The following MYEF2 variants were observed in gnomAD, a reference collection of about 807,000 sequenced individuals.
The protein encoded by MYEF2 is myelin expression factor 2.
In MYEF2, 37 loss-of-function variants were observed where a neutral mutation model predicts 75.2. That is an observed-to-expected ratio of 0.49 (90% CI 0.38 to 0.65). The LOEUF is 0.65. MYEF2 is among the 30% of genes least tolerant of loss of function. The probability of loss-of-function intolerance (pLI) is 0.00; values close to 1 mark genes in which losing one functional copy is unlikely to be tolerated. For missense variants in MYEF2, 634 were observed against 771.4 expected (o/e 0.82, Z 2.11); for synonymous variants, 195 against 241.6 (o/e 0.81, Z 1.79).
intron 7 of MYEF2, 125 bp from the exon 8 acceptor site, chr15:48,158,349 G>T: frequency 1.3e-6 from 1 of 797,830 alleles, no homozygotes; most frequent in Non-Finnish European, 2.0e-6. Flanking sequence ...AATACTTATT[G>T]ATATTAGCCA....
intron 5 of MYEF2, among the ~76,000 whole-genome samples, chr15:48,161,121 T>C (rs2039926251): frequency 6.6e-6 from 1 of 152,066 alleles, no homozygotes; most frequent in African/African-American, 2.4e-5. Flanking sequence ...TATACATATA[T>C]ATGACAGAAA....
In MYEF2 at chr15:48,135,957, C is replaced by T. The variant is rs1484654251; in HGVS notation, c.*6951G>A. 6.6e-6 allele frequency: 1 copy of T among 152,098 alleles called. No individual in the cohort carries two copies. The highest frequency in any genetic ancestry group is 1.5e-5 in the Non-Finnish European group (1 of 68,000). The allele number at this position is 152,098 out of a possible 1,614,324, so 9.4% of individuals were successfully genotyped here. On this transcript the variant is annotated 3_prime_UTR_variant, in exon 17 of 17. Coordinates refer to ENST00000324324, the MANE Select transcript of MYEF2 (RefSeq NM_016132.5). Reference sequence around the variant, plus strand: ...CTAATTCTTCCTCCATTAGGGAAATCAGAACTGTTCTTTAAGATACAGCAG... The same window carrying T: ...CTAATTCTTCCTCCATTAGGGAAATTAGAACTGTTCTTTAAGATACAGCAG...
Position 48,166,028 on chromosome 15 carries a change from T to TA in MYEF2, c.432-3_432-2insT. ...TCTTCATCTTTGAATTCAACCACAC[T>TA]TAATAGGGAAAAAATTTATAGGAAA... On this transcript the variant is annotated splice_region_variant and splice_polypyrimidine_tract_variant and intron_variant, in intron 4 of 16. Transcript: ENST00000324324. 6.3e-7 allele frequency: 1 copy of TA among 1,582,272 alleles called. No homozygotes were observed. Among genetic ancestry groups the TA allele is most frequent in the Admixed American group, 1.8e-5 (1 of 54,550 alleles).
chr15:48,166,191 G>A, intron 3 of MYEF2, 63 bp from the exon 4 acceptor site: 3 of 1,314,134 alleles, frequency 2.3e-6, no homozygotes, highest in Non-Finnish European at 3.2e-6. Context: ...AGTACATGAA[G>A]TTAATAATCA....
Position 48,149,250 on chromosome 15 carries a change from A to G in MYEF2, c.1500T>C (p.Asp500=). ...GACCCGATAAAAATCCTCGATCCAT[A>G]TCGATGCTCCTTTCCAGTATAGCTC... ...GIGAILERSI[D]MDRGFLSGPM... The change falls in exon 15 of 17, where the codon GAT becomes GAC. Residue 500 remains aspartate, a synonymous_variant. Transcript: ENST00000324324. The surrounding 1 kb of genome is among the most constrained non-coding windows in gnomAD (Gnocchi z 4.0). The G allele has an allele frequency of 6.2e-7, 1 of 1,613,344 alleles. No homozygotes were observed. Among genetic ancestry groups the G allele is most frequent in the Non-Finnish European group, 8.5e-7 (1 of 1,179,512 alleles).
At chr15:48,167,471 C>A (rs2040174093) in intron 2 of MYEF2, 70 bp from the exon 3 acceptor site, 2 of 1,378,214 alleles carry the variant, frequency 1.5e-6, no homozygotes, top group Non-Finnish European at 1.0e-6. Flanking sequence ...TGCTTTACTG[C>A]ACACCTGTGC....
chr15:48,162,979 C>T (rs1306891575), intron 5 of MYEF2: 3 of 152,086 alleles, frequency 2.0e-5, no homozygotes, highest in Admixed American at 6.5e-5. Context: ...GAAAGAGTTG[C>T]AAGTCTCTCA....
At chr15:48,164,572 C>T (rs528504868) in intron 5 of MYEF2, among the ~76,000 whole-genome samples, 9 of 152,172 alleles carry the variant, frequency 5.9e-5, no homozygotes, top group Admixed American at 1.3e-4. Context: ...GAAGTTCAAC[C>T]GTAGGTAAAA....
intron 5 of MYEF2, among the ~76,000 whole-genome samples, chr15:48,164,803 CA>C (rs1386823047): frequency 6.6e-6 from 1 of 152,114 alleles, no homozygotes; most frequent in Non-Finnish European, 1.5e-5. Context: ...GCATTTTCAG[CA>C]ATAAAGTATT....
chr15:48,157,440 C>T (rs1324561120), intron 9 of MYEF2: 1 of 152,214 alleles, frequency 6.6e-6, no homozygotes, highest in Non-Finnish European at 1.5e-5. Flanking sequence ...AACAAAAAGG[C>T]ATGTGTTACT....
chr15:48,159,671 G>A lies in MYEF2; in HGVS notation c.659C>T (p.Pro220Leu), dbSNP rs1383138214. ...GGCCTGCAAATTACTGATGACTTCA[G>A]GAGGAATGTTTGGATTATTGAGTAT... ...PSILNNPNIP[P>L]EVISNLQAGR... Residue 220 changes from proline (P) to leucine (L), a missense_variant, in exon 6 of 17, where the codon CCT becomes CTT. Coordinates refer to ENST00000324324, the MANE Select transcript of MYEF2 (RefSeq NM_016132.5). 2 of 1,613,698 alleles carry A rather than the reference G, an allele frequency of 1.2e-6. No individual in the cohort carries two copies. The highest frequency in any genetic ancestry group is 1.7e-6 in the Non-Finnish European group (2 of 1,179,746).
chr15:48,150,234 A>G (rs566886166), intron 14 of MYEF2, among the ~76,000 whole-genome samples: 2 of 152,184 alleles, frequency 1.3e-5, no homozygotes, highest in African/African-American at 4.8e-5. Context: ...AAACAGAAGT[A>G]CAAACACTGA....
At chr15:48,177,943 A>G (rs369094381) in intron 1 of MYEF2, 134 bp downstream of exon 1, 1 of 1,226,694 alleles carries the variant, frequency 8.2e-7, no homozygotes, top group Non-Finnish European at 1.1e-6. Flanking sequence ...CCTGCTCCTC[A>G]GGAAGCCGAT....
intron 1 of MYEF2, among the ~76,000 whole-genome samples, chr15:48,176,219 TAAAAAAA>T (rs1023560411): frequency 3.2e-5 from 2 of 63,102 alleles, no homozygotes; most frequent in Non-Finnish European, 7.0e-5. Flanking sequence ...GTTCACGAAG[TAAAAAAA>T]AAAAAAAAAA....
At chr15:48,162,183 T>A (rs2039966077) in intron 5 of MYEF2, among the ~76,000 whole-genome samples, 1 of 152,012 alleles carries the variant, frequency 6.6e-6, no homozygotes, top group South Asian at 2.1e-4. Context: ...GGCCTTTGAT[T>A]TCAAGCTATT....
intron 5 of MYEF2, among the ~76,000 whole-genome samples, chr15:48,164,144 C>T (rs2040052449): frequency 6.6e-6 from 1 of 152,142 alleles, no homozygotes; most frequent in Non-Finnish European, 1.5e-5. Context: ...AAATTAAAAA[C>T]CTTCTGGAAA....
At chr15:48,165,792 T>G (rs2040111378) in intron 5 of MYEF2, 141 bp downstream of exon 5, 1 of 544,922 alleles carries the variant, frequency 1.8e-6, no homozygotes, top group African/African-American at 2.0e-5. Flanking sequence ...AAGTAAAACT[T>G]TCGTCAATAT....
At chr15:48,150,372 T>C (rs969732004) in intron 14 of MYEF2, among the ~76,000 whole-genome samples, 6 of 152,066 alleles carry the variant, frequency 3.9e-5, no homozygotes, top group African/African-American at 1.4e-4. Flanking sequence ...GATTTTAGAA[T>C]TTACTTTTAG....
At position 48,137,249 on chromosome 15, in the gene MYEF2, TCA is replaced by T; in HGVS notation, c.*5657_*5658del. On this transcript the variant is annotated 3_prime_UTR_variant, in exon 17 of 17. Coordinates refer to ENST00000324324, the MANE Select transcript of MYEF2 (RefSeq NM_016132.5). ...TGTGGTGAGGACAGATAGGAGATTT[TCA>T]CAGAGAAGGGAGCATTTAAATTGGG... 3.3e-6 allele frequency: 1 copy of T among 304,460 alleles called. No individual in the cohort carries two copies. Among genetic ancestry groups the T allele is most frequent in the Non-Finnish European group, 6.0e-6 (1 of 165,572 alleles). 18.9% of individuals were successfully genotyped at this position (304,460 alleles called of 1,614,324 possible).
Sources: gnomAD v4.1 joint callset for allele counts (sites outside exome capture counted in the v4.1 genomes callset) on GRCh38, gnomAD v4.1.1 for gene constraint, Gnocchi (gnomAD v3.1) non-coding constraint, MANE v1.5 for transcripts, NCBI Gene and HGNC (gene_info 2026-07-23, HGNC 2026-07-21) for gene names.